The following ARHGAP42 variants were observed in gnomAD, a reference collection of about 807,000 sequenced individuals.
ARHGAP42 encodes the protein Rho GTPase activating protein 42, also known as rho GTPase-activating protein 42.
A neutral mutation model predicts 125.0 loss-of-function variants in ARHGAP42; 63 were observed. That is an observed-to-expected ratio of 0.50 (90% CI 0.41 to 0.62). The LOEUF (loss-of-function observed/expected upper bound fraction) is 0.62, where lower values mean the gene tolerates loss of function less well. Among genes scored for constraint, ARHGAP42 ranks in the 20% least tolerant of loss-of-function variants. ARHGAP42 has a pLI of 0.00. For synonymous variants in ARHGAP42, 339 were observed against 351.0 expected, an observed-to-expected ratio of 0.97 and a Z score of 0.38; for missense variants, 766 against 1,024.2, an observed-to-expected ratio of 0.75 and a Z score of 3.44.
intron 1 of ARHGAP42, among the ~76,000 whole-genome samples, chr11:100,703,477 A>G (rs1489754952): frequency 6.6e-6 from 1 of 152,178 alleles, no homozygotes; most frequent in Non-Finnish European, 1.5e-5. Context: ...GTTTCTTGTC[A>G]ATGTTATTAT....
chr11:100,948,081 A>G (rs926794571), intron 10 of ARHGAP42, among the ~76,000 whole-genome samples: 1 of 152,000 alleles, frequency 6.6e-6, no homozygotes, highest in African/African-American at 2.4e-5. Flanking sequence ...ACTAGACTGT[A>G]CCACATCAGG....
intron 6 of ARHGAP42, among the ~76,000 whole-genome samples, chr11:100,931,728 C>A (rs1483209125): frequency 1.3e-5 from 2 of 152,048 alleles, no homozygotes; most frequent in African/African-American, 4.8e-5. Flanking sequence ...AAAATGTTTT[C>A]TTTTCTCTCT....
intron 3 of ARHGAP42, among the ~76,000 whole-genome samples, chr11:100,823,269 A>T (rs1447811589): frequency 6.6e-6 from 1 of 152,168 alleles, no homozygotes; most frequent in African/African-American, 2.4e-5. Flanking sequence ...CATTTGCTTC[A>T]TTTAATTTGG....
chr11:100,919,804 G>GTGCTAAGA (rs1004374619), intron 5 of ARHGAP42, among the ~76,000 whole-genome samples: 5 of 152,252 alleles, frequency 3.3e-5, no homozygotes, highest in Admixed American at 1.3e-4. Context: ...ACCCAGTAGT[G>GTGCTAAGA]TGCTAAGACT....
chr11:100,790,012 T>C (rs868745737), intron 2 of ARHGAP42, among the ~76,000 whole-genome samples: 2 of 152,238 alleles, frequency 1.3e-5, no homozygotes, highest in African/African-American at 4.8e-5. Flanking sequence ...AACTGATCAA[T>C]TGTTGAAACA....
At chr11:100,874,381 A>G (rs989763982) in intron 4 of ARHGAP42, among the ~76,000 whole-genome samples, 3 of 152,196 alleles carry the variant, frequency 2.0e-5, no homozygotes, top group Non-Finnish European at 4.4e-5. Context: ...GTGGTAACGA[A>G]CTACATCCAG....
intron 1 of ARHGAP42, among the ~76,000 whole-genome samples, chr11:100,714,227 A>G (rs943686954): frequency 6.6e-6 from 1 of 152,240 alleles, no homozygotes; most frequent in Non-Finnish European, 1.5e-5. Context: ...AAAGAGGACT[A>G]AAATGTATTT....
chr11:100,992,350 C>T lies in ARHGAP42; in HGVS notation c.*3549C>T. The T allele has an allele frequency of 1.2e-6, 2 of 1,612,942 alleles. No homozygotes were observed. Among genetic ancestry groups the T allele is most frequent in the Non-Finnish European group, 1.7e-6 (2 of 1,179,468 alleles). The stretch of plus-strand genomic sequence containing the variant: ...GCGTAGGACCCGGAAATCACATCTC[C>T]TGGTCAGGTCACGAAAAAGAACACA... On this transcript the variant is annotated 3_prime_UTR_variant, in exon 24 of 24. Coordinates refer to ENST00000298815, the MANE Select transcript of ARHGAP42 (RefSeq NM_152432.4).
At chr11:100,979,754 A>G (rs1009314423) in intron 22 of ARHGAP42, among the ~76,000 whole-genome samples, 3 of 151,334 alleles carry the variant, frequency 2.0e-5, no homozygotes, top group African/African-American at 4.9e-5. Context: ...CTCAATGCCT[A>G]TTGTTGAAAG....
intron 3 of ARHGAP42, among the ~76,000 whole-genome samples, chr11:100,857,018 C>T (rs1228934510): frequency 6.6e-6 from 1 of 151,924 alleles, no homozygotes; most frequent in East Asian, 1.9e-4. Flanking sequence ...ATATGTTTGA[C>T]TTCATTACCC....
chr11:100,829,313 TC>T (rs1035544163), intron 3 of ARHGAP42, among the ~76,000 whole-genome samples: 3 of 150,876 alleles, frequency 2.0e-5, no homozygotes, highest in African/African-American at 7.3e-5. Context: ...CGAGCTAGGA[TC>T]ATGCCACTGC....
chr11:100,825,204 T>C (rs1348111543), intron 3 of ARHGAP42, among the ~76,000 whole-genome samples: 1 of 152,186 alleles, frequency 6.6e-6, no homozygotes, highest in Non-Finnish European at 1.5e-5. Flanking sequence ...AATTAAGTAA[T>C]GTAGATGCTT....
At chr11:100,887,068 T>C (rs1372823128) in intron 4 of ARHGAP42, among the ~76,000 whole-genome samples, 4 of 152,186 alleles carry the variant, frequency 2.6e-5, no homozygotes, top group Admixed American at 6.5e-5. Context: ...GTACAGTAAA[T>C]ATTGGTAAGA....
intron 1 of ARHGAP42, among the ~76,000 whole-genome samples, chr11:100,741,390 T>A (rs897725373): frequency 6.6e-6 from 1 of 152,156 alleles, no homozygotes; most frequent in African/African-American, 2.4e-5. Flanking sequence ...ACAAGACACA[T>A]CTCAGTCTGT....
intron 3 of ARHGAP42, among the ~76,000 whole-genome samples, chr11:100,811,743 G>T (rs1374053288): frequency 6.6e-6 from 1 of 151,850 alleles, no homozygotes; most frequent in Non-Finnish European, 1.5e-5. Flanking sequence ...CAAGTGATCC[G>T]CCTGCCTCGG....
At chr11:100,872,886 A>G (rs1865729485) in intron 4 of ARHGAP42, among the ~76,000 whole-genome samples, 1 of 152,214 alleles carries the variant, frequency 6.6e-6, no homozygotes, top group Non-Finnish European at 1.5e-5. Flanking sequence ...CAAAACTAAT[A>G]TATGATGCTT....
chr11:100,749,030 G>A (rs1210354836), intron 1 of ARHGAP42, among the ~76,000 whole-genome samples: 2 of 151,278 alleles, frequency 1.3e-5, no homozygotes, highest in African/African-American at 2.4e-5. Flanking sequence ...TTGACTCTCT[G>A]TCTCTTTCTC....
intron 17 of ARHGAP42, among the ~76,000 whole-genome samples, chr11:100,969,262 T>G (rs1413559967): frequency 6.6e-6 from 1 of 152,162 alleles, no homozygotes; most frequent in Non-Finnish European, 1.5e-5. Flanking sequence ...GTAAGACTTT[T>G]TCTCTTGATG....
intron 3 of ARHGAP42, among the ~76,000 whole-genome samples, chr11:100,822,994 A>G (rs146383180): frequency 0.01 from 1,554 of 152,184 alleles, 26 homozygotes; most frequent in African/African-American, 0.036. Flanking sequence ...GGAGCCTGCC[A>G]CCCAGACAGG....
Sources: allele counts gnomAD v4.1 joint callset (sites outside exome capture counted in the v4.1 genomes callset), GRCh38; gene constraint gnomAD v4.1.1; transcripts MANE v1.5; gene names NCBI Gene and HGNC (gene_info 2026-07-23, HGNC 2026-07-21).